Variants in SMR3B observed in about 807,000 individuals in gnomAD.
SMR3B encodes the protein submaxillary gland androgen-regulated protein 3B.
For missense variants in SMR3B, 114 were observed against 99.9 expected, an observed-to-expected ratio of 1.14 and a Z score of -0.60; for synonymous variants, 42 against 36.1, an observed-to-expected ratio of 1.16 and a Z score of -0.59.
chr4:70,388,177 ACTT>A (rs763942707), intron 2 of SMR3B, among the ~76,000 whole-genome samples: 4 of 152,058 alleles, frequency 2.6e-5, no homozygotes, highest in Non-Finnish European at 5.9e-5. Context: ...TTTTCAAATG[ACTT>A]CTTCTCACTA....
intron 2 of SMR3B, chr4:70,385,036 T>G (rs1448754247): frequency 6.5e-6 from 1 of 152,892 alleles, no homozygotes; most frequent in African/African-American, 2.4e-5. Flanking sequence ...CAAGTATCTT[T>G]GCATGCTAAA....
chr4:70,384,671 T>C, intron 2 of SMR3B, 107 bp downstream of exon 2: 1 of 1,558,336 alleles, frequency 6.4e-7, no homozygotes, highest in Non-Finnish European at 8.7e-7. Context: ...TATTAGTAAC[T>C]ATTAATCATC....
In SMR3B at chr4:70,389,677, A is replaced by G; in HGVS notation, c.69A>G (p.Gln23=). Residue 23 remains glutamine (Q), a synonymous_variant, in exon 3 of 3, where the codon CAA becomes CAG. Transcript: ENST00000304915. ...TATTTCCACAGCCTGGTGAGAGTCA[A>G]AGAGGCCCCAGGGGACCATATCCAC... ...LAACFTPGES[Q]RGPRGPYPPG... 1 of 1,613,976 alleles carries G rather than the reference A, an allele frequency of 6.2e-7. No individual in the cohort carries two copies. The highest frequency in any genetic ancestry group is 8.5e-7 in the Non-Finnish European group (1 of 1,179,946).
chr4:70,386,539 T>G, intron 2 of SMR3B, among the ~76,000 whole-genome samples: 1 of 151,908 alleles, frequency 6.6e-6, no homozygotes, highest in African/African-American at 2.4e-5. Context: ...TTAGATGGAC[T>G]GTTCCTAAAT....
Position 70,389,751 on chromosome 4 carries a change from C to T in SMR3B, c.143C>T (p.Pro48Leu), listed in dbSNP as rs1178156291. ...CCTTTTGGCCCAGGATTTGTTCCAC[C>T]ACCTCCTCCTCCACCCTATGGTCCA... ...PQPFGPGFVPPPPPPPYGPGR... is the reference protein window; with the variant it reads ...PQPFGPGFVPLPPPPPYGPGR... The change falls in exon 3 of 3, where the codon CCA becomes CTA. Residue 48 changes from proline to leucine, a missense_variant. By Grantham distance (98) the Pro-to-Leu change is moderately conservative. Coordinates refer to ENST00000304915, the MANE Select transcript of SMR3B (RefSeq NM_006685.4). 2.5e-6 allele frequency: 4 copies of T among 1,614,030 alleles called. No individual in the cohort carries two copies. The highest frequency in any genetic ancestry group is 3.4e-6 in the Non-Finnish European group (4 of 1,179,982).
Position 70,390,164 on chromosome 4 carries a change from T to C in SMR3B, c.*316T>C. 1 of 636,868 alleles carries C rather than the reference T, an allele frequency of 1.6e-6. No individual in the cohort carries two copies. Among genetic ancestry groups the C allele is most frequent in the Non-Finnish European group, 2.8e-6 (1 of 357,914 alleles). 39.5% of individuals were successfully genotyped at this position (636,868 alleles called of 1,614,324 possible). A position where few individuals can be genotyped will look rare whatever the true frequency, so the allele number is the denominator to read the frequency against. On this transcript the variant is annotated 3_prime_UTR_variant, in exon 3 of 3. Coordinates refer to ENST00000304915, the MANE Select transcript of SMR3B (RefSeq NM_006685.4). ...AGTGCTGAGCTTTGGGGAGAAATAA[T>C]CTTAGAAAGAAATTGTAGAAAAAAC...
At chr4:70,388,729 TAGA>T (rs1236371067) in intron 2 of SMR3B, among the ~76,000 whole-genome samples, 1 of 152,190 alleles carries the variant, frequency 6.6e-6, no homozygotes, top group African/African-American at 2.4e-5. Flanking sequence ...TGTAGATTCA[TAGA>T]AGATCTGTTT....
chr4:70,387,436 G>A (rs6840084), intron 2 of SMR3B, among the ~76,000 whole-genome samples: 106,476 of 151,908 alleles, frequency 0.7, 37,627 homozygotes, highest in African/African-American at 0.77. Flanking sequence ...AGGGTGAGTG[G>A]AACATAAATG....
In SMR3B at chr4:70,390,110, A is replaced by G. The variant is rs1560529410; in HGVS notation, c.*262A>G. On this transcript the variant is annotated 3_prime_UTR_variant, in exon 3 of 3. Transcript: ENST00000304915. ...GAGACATTTACATAAAATTGCTTCC[A>G]TTTTTGGATGAGAATGAAAAATTCC... The G allele has an allele frequency of 2.7e-6, 2 of 753,566 alleles. No individual in the cohort carries two copies. The highest frequency in any genetic ancestry group is 4.1e-5 in the Admixed American group (2 of 48,842). 46.7% of individuals were successfully genotyped at this position (753,566 alleles called of 1,614,324 possible).
chr4:70,385,424 A>G (rs1232619632), intron 2 of SMR3B, among the ~76,000 whole-genome samples: 4 of 123,340 alleles, frequency 3.2e-5, no homozygotes, highest in Admixed American at 8.0e-5. Context: ...TTTTTTTTGA[A>G]ACAGACTCTC....
chr4:70,384,038 G>A (rs1403283816), intron 1 of SMR3B, among the ~76,000 whole-genome samples: 1 of 149,282 alleles, frequency 6.7e-6, no homozygotes, highest in Non-Finnish European at 1.5e-5. Flanking sequence ...TTATTTTTAA[G>A]CTCTTCCAAG....
intron 1 of SMR3B, 75 bp downstream of exon 1, chr4:70,383,287 C>T (rs185246925): frequency 1.2e-4 from 18 of 152,138 alleles, no homozygotes; most frequent in African/African-American, 2.2e-4. Flanking sequence ...ACATTTTCAA[C>T]GATAACATTT....
intron 2 of SMR3B, 26 bp from the exon 3 acceptor site, chr4:70,389,637 A>C (rs889487401): frequency 1.9e-5 from 31 of 1,603,340 alleles, no homozygotes; most frequent in Non-Finnish European, 2.6e-5. Flanking sequence ...ATCTGATTTG[A>C]AATTATTTAC....
chr4:70,388,113 G>A (rs1253545632), intron 2 of SMR3B, among the ~76,000 whole-genome samples: 1 of 152,084 alleles, frequency 6.6e-6, no homozygotes, highest in Non-Finnish European at 1.5e-5. Context: ...GAGCATTTGT[G>A]TATTTTCATT....
At chr4:70,383,610 T>C (rs1732596928) in intron 1 of SMR3B, among the ~76,000 whole-genome samples, 1 of 152,140 alleles carries the variant, frequency 6.6e-6, no homozygotes, top group African/African-American at 2.4e-5. Flanking sequence ...TAAGAATGGA[T>C]ATAGGAAAAG....
chr4:70,385,926 A>G lies in SMR3B; in HGVS notation c.54+1362A>G, dbSNP rs1421587192. On this transcript the variant is annotated intron_variant, in intron 2 of 2. Transcript: ENST00000304915. ...ACAAAAGAAAAACATTTATAATTTC[A>G]AAGTATCAGGCTTTTATTATATAAA... Among the ~76,000 whole-genome samples the G allele has an allele frequency of 2.6e-5, 4 of 152,058 alleles. No individual in the cohort carries two copies. In the East Asian group the frequency reaches 7.7e-4, roughly 29 times the overall value.
At chr4:70,383,918 C>T (rs191976079) in intron 1 of SMR3B, among the ~76,000 whole-genome samples, 103 of 152,138 alleles carry the variant, frequency 6.8e-4, no homozygotes, top group Admixed American at 1.6e-3. Context: ...ACTTTGAGAC[C>T]ACTCATCACA....
At chr4:70,388,972 T>C (rs1456342952) in intron 2 of SMR3B, among the ~76,000 whole-genome samples, 2 of 152,180 alleles carry the variant, frequency 1.3e-5, no homozygotes, top group Non-Finnish European at 2.9e-5. Flanking sequence ...TCATTATATA[T>C]ATTTTTTTAG....
chr4:70,388,663 C>T (rs1732708219), intron 2 of SMR3B, among the ~76,000 whole-genome samples: 1 of 152,180 alleles, frequency 6.6e-6, no homozygotes, highest in Admixed American at 6.5e-5. Context: ...TCATTCCACT[C>T]ATTTCATTTC....
Sources: allele counts gnomAD v4.1 joint callset (sites outside exome capture counted in the v4.1 genomes callset), GRCh38; gene constraint gnomAD v4.1.1; transcripts MANE v1.5; gene names NCBI Gene and HGNC (gene_info 2026-07-23, HGNC 2026-07-21).